VEPH1: variants seen among roughly 807,000 people sequenced by gnomAD.
VEPH1 encodes the protein ventricular zone expressed PH domain containing 1.
A neutral mutation model predicts 85.2 loss-of-function variants in VEPH1; 80 were observed. The ratio of observed to expected loss-of-function variants is 0.94; its 90% CI spans 0.78 to 1.13. The LOEUF is 1.13. Among genes scored for constraint, VEPH1 ranks in the 50% most tolerant of loss-of-function variants. VEPH1 has a pLI of 0.00. For missense variants in VEPH1, 955 were observed against 980.5 expected (o/e 0.97, Z 0.35); for synonymous variants, 297 against 348.0 (o/e 0.85, Z 1.63).
At chr3:157,296,795 C>T (rs955851585) in intron 11 of VEPH1, among the ~76,000 whole-genome samples, 1 of 152,084 alleles carries the variant, frequency 6.6e-6, no homozygotes, top group African/African-American at 2.4e-5. Flanking sequence ...GAGTTTGAGC[C>T]CTGCCACTGC....
chr3:157,389,680 T>C (rs933096608), intron 6 of VEPH1, among the ~76,000 whole-genome samples: 2 of 143,520 alleles, frequency 1.4e-5, no homozygotes, highest in African/African-American at 2.7e-5. Flanking sequence ...GATAGATAGA[T>C]AGATAGATAG....
intron 11 of VEPH1, among the ~76,000 whole-genome samples, chr3:157,287,095 G>A (rs558701466): frequency 1.3e-5 from 2 of 152,252 alleles, no homozygotes; most frequent in South Asian, 2.1e-4. Flanking sequence ...ATTATTGGCC[G>A]GGCGTGGTGG....
intron 6 of VEPH1, among the ~76,000 whole-genome samples, chr3:157,409,009 CCT>C (rs1731340117): frequency 6.6e-6 from 1 of 151,980 alleles, no homozygotes; most frequent in Non-Finnish European, 1.5e-5. Context: ...TGTATTTTTC[CCT>C]CTCTCGTTGG....
intron 11 of VEPH1, among the ~76,000 whole-genome samples, chr3:157,299,312 C>T (rs1231187073): frequency 6.6e-6 from 1 of 151,744 alleles, no homozygotes; most frequent in Non-Finnish European, 1.5e-5. Context: ...CAATCCCAGA[C>T]CTTTGGGCAG....
chr3:157,428,546 A>G (rs946632372), intron 4 of VEPH1, 58 bp from the exon 5 acceptor site: 34 of 1,527,318 alleles, frequency 2.2e-5, no homozygotes, highest in Non-Finnish European at 2.8e-5. Context: ...CAACAGAAAT[A>G]ACATTATTAC....
chr3:157,412,481 C>T (rs1731603735), intron 6 of VEPH1, among the ~76,000 whole-genome samples: 1 of 152,084 alleles, frequency 6.6e-6, no homozygotes, highest in South Asian at 2.1e-4. Flanking sequence ...GGCCTCACAC[C>T]TCAGAGGTTG....
chr3:157,312,535 C>G (rs140882104), intron 11 of VEPH1, among the ~76,000 whole-genome samples: 1 of 152,118 alleles, frequency 6.6e-6, no homozygotes, highest in Non-Finnish European at 1.5e-5. Context: ...AATATGTAAA[C>G]CAGAATGCTT....
intron 12 of VEPH1, among the ~76,000 whole-genome samples, chr3:157,274,348 G>A (rs1010731329): frequency 1.3e-5 from 2 of 152,114 alleles, no homozygotes; most frequent in African/African-American, 4.8e-5. Flanking sequence ...ATGTCCTAAT[G>A]GCCTATATCA....
intron 6 of VEPH1, among the ~76,000 whole-genome samples, chr3:157,384,719 AT>A (rs1228556350): frequency 6.6e-6 from 1 of 152,190 alleles, no homozygotes; most frequent in Non-Finnish European, 1.5e-5. Flanking sequence ...ACCTCACATC[AT>A]TTGTTCTGAA....
At chr3:157,496,538 G>A (rs1173724776) in intron 1 of VEPH1, among the ~76,000 whole-genome samples, 1 of 152,218 alleles carries the variant, frequency 6.6e-6, no homozygotes, top group Non-Finnish European at 1.5e-5. Context: ...GTAGCCACAT[G>A]CTTAGTGAGA....
chr3:157,317,706 C>T (rs1439211655), intron 9 of VEPH1, among the ~76,000 whole-genome samples: 4 of 152,106 alleles, frequency 2.6e-5, no homozygotes, highest in African/African-American at 7.2e-5. Context: ...AAGGTCATCT[C>T]GCCTTGAAGG....
chr3:157,406,760 A>T (rs933872175), intron 6 of VEPH1, among the ~76,000 whole-genome samples: 2 of 138,962 alleles, frequency 1.4e-5, no homozygotes, highest in African/African-American at 5.6e-5. Context: ...GATCATTTGT[A>T]AAAAAAATTT....
chr3:157,423,753 C>T (rs1220253479), intron 5 of VEPH1, among the ~76,000 whole-genome samples: 1 of 152,172 alleles, frequency 6.6e-6, no homozygotes, highest in African/African-American at 2.4e-5. Flanking sequence ...CTATCAGATA[C>T]TATGGAAAAG....
chr3:157,429,595 A>G (rs568601607), intron 4 of VEPH1, among the ~76,000 whole-genome samples: 2 of 152,352 alleles, frequency 1.3e-5, no homozygotes, highest in African/African-American at 2.4e-5. Flanking sequence ...AGGTTTTATC[A>G]TGTTCCCCAG....
At chr3:157,435,359 C>T (rs1444675925) in intron 4 of VEPH1, among the ~76,000 whole-genome samples, 1 of 152,162 alleles carries the variant, frequency 6.6e-6, no homozygotes, top group Non-Finnish European at 1.5e-5. Context: ...TTCACAGTGG[C>T]AGATAGTATA....
intron 6 of VEPH1, among the ~76,000 whole-genome samples, chr3:157,397,070 G>GTTTTACAT (rs993318332): frequency 4.6e-5 from 7 of 152,136 alleles, no homozygotes; most frequent in African/African-American, 1.7e-4. Context: ...ATCATTTTGG[G>GTTTTACAT]TTTTACATTT....
chr3:157,386,988 A>C (rs895332071), intron 6 of VEPH1, among the ~76,000 whole-genome samples: 1 of 152,224 alleles, frequency 6.6e-6, no homozygotes, highest in Non-Finnish European at 1.5e-5. Flanking sequence ...CAGGATCAGG[A>C]GTCAAATAAA....
At chr3:157,470,170 G>T in intron 3 of VEPH1, 144 bp downstream of exon 3, 1 of 713,300 alleles carries the variant, frequency 1.4e-6, no homozygotes, top group Non-Finnish European at 2.3e-6. Flanking sequence ...TTAATTACCG[G>T]CCCTCCCAGC....
chr3:157,330,999 T>C (rs1195210533), intron 9 of VEPH1, among the ~76,000 whole-genome samples: 2 of 152,198 alleles, frequency 1.3e-5, no homozygotes, highest in African/African-American at 4.8e-5. Flanking sequence ...CTGCTAGTGC[T>C]CTCCTATCCG....
Sources: allele counts gnomAD v4.1 joint callset (sites outside exome capture counted in the v4.1 genomes callset), GRCh38; gene constraint gnomAD v4.1.1; transcripts MANE v1.5; gene names NCBI Gene and HGNC (gene_info 2026-07-23, HGNC 2026-07-21).